SLC12A8: variants seen among roughly 807,000 people sequenced by gnomAD.
SLC12A8 encodes cation-chloride cotransporter 9.
In SLC12A8, 69 loss-of-function variants were observed where a neutral mutation model predicts 75.6. The observed-to-expected ratio is 0.91, with a 90% CI of 0.75 to 1.11. The LOEUF is 1.11. Among genes scored for constraint, SLC12A8 ranks in the 50% most tolerant of loss-of-function variants. The pLI is 0.00. For synonymous variants in SLC12A8, 365 were observed against 372.8 expected (o/e 0.98, Z 0.24); for missense variants, 877 against 896.7 (o/e 0.98, Z 0.28).
intron 10 of SLC12A8, among the ~76,000 whole-genome samples, chr3:125,097,561 TG>T (rs1938749289): frequency 1.0e-5 from 1 of 98,930 alleles, no homozygotes; most frequent in African/African-American, 3.1e-5. Context: ...TGTGTGTGTG[TG>T]TGTGTGTGTG....
intron 5 of SLC12A8, among the ~76,000 whole-genome samples, chr3:125,172,540 C>T (rs2107784887): frequency 6.6e-6 from 1 of 152,316 alleles, no homozygotes; most frequent in Non-Finnish European, 1.5e-5. Context: ...TCTGACTGAA[C>T]CTCACCAGAG....
At chr3:125,156,907 G>A (rs2107775389) in intron 5 of SLC12A8, among the ~76,000 whole-genome samples, 1 of 152,278 alleles carries the variant, frequency 6.6e-6, no homozygotes, top group Non-Finnish European at 1.5e-5. Flanking sequence ...CAGCTTTTAT[G>A]ATTTCCGTAT....
intron 5 of SLC12A8, among the ~76,000 whole-genome samples, chr3:125,170,710 G>C (rs493370): frequency 0.9 from 136,571 of 151,882 alleles, 61,860 homozygotes; most frequent in Admixed American, 0.95. Flanking sequence ...GTCAGGAGAT[G>C]GAGACCATCC....
intron 2 of SLC12A8, among the ~76,000 whole-genome samples, chr3:125,197,323 G>T (rs2107799996): frequency 6.6e-6 from 1 of 152,154 alleles, no homozygotes; most frequent in East Asian, 1.9e-4. Flanking sequence ...ACAGGGTCTT[G>T]CTCTGTCACC....
chr3:125,122,280 C>T (rs565929904), intron 6 of SLC12A8, among the ~76,000 whole-genome samples: 1 of 152,230 alleles, frequency 6.6e-6, no homozygotes, highest in East Asian at 1.9e-4. Flanking sequence ...TTTTATTTGA[C>T]TGTTTATATT....
intron 6 of SLC12A8, among the ~76,000 whole-genome samples, chr3:125,134,328 T>C (rs512785): frequency 1.3e-5 from 2 of 151,492 alleles, no homozygotes; most frequent in African/African-American, 4.9e-5. Context: ...CAGGCTGTTC[T>C]TGAACTCCTG....
intron 3 of SLC12A8, among the ~76,000 whole-genome samples, chr3:125,187,730 A>C (rs1046925241): frequency 5.9e-5 from 9 of 152,010 alleles, no homozygotes; most frequent in African/African-American, 2.2e-4. Flanking sequence ...TTTGTGCCTG[A>C]CGTGCAGCGA....
chr3:125,146,778 T>A (rs1162039910), intron 5 of SLC12A8, among the ~76,000 whole-genome samples: 1 of 152,206 alleles, frequency 6.6e-6, no homozygotes, highest in Non-Finnish European at 1.5e-5. Context: ...TAGCTGGGAC[T>A]ACAGGCTGAC....
At chr3:125,090,582 T>C (rs1273151781) in intron 12 of SLC12A8, among the ~76,000 whole-genome samples, 2 of 152,236 alleles carry the variant, frequency 1.3e-5, no homozygotes, top group Admixed American at 6.5e-5. Context: ...TTTTGGTTTG[T>C]GTATTTCAAA....
chr3:125,148,149 T>C (rs1312179776), intron 5 of SLC12A8, among the ~76,000 whole-genome samples: 1 of 152,162 alleles, frequency 6.6e-6, no homozygotes, highest in African/African-American at 2.4e-5. Flanking sequence ...CTGACAACTG[T>C]AGTATATGTG....
intron 5 of SLC12A8, among the ~76,000 whole-genome samples, chr3:125,144,037 T>C (rs943302827): frequency 4.6e-5 from 7 of 152,218 alleles, no homozygotes; most frequent in Admixed American, 2.6e-4. Flanking sequence ...TTTCTCATAA[T>C]GGCCTTGGGG....
chr3:125,190,341 G>C, intron 3 of SLC12A8, 34 bp downstream of exon 3: 2 of 1,611,318 alleles, frequency 1.2e-6, no homozygotes, highest in Non-Finnish European at 1.7e-6. Context: ...TCTTGGGCCC[G>C]TGAGAGGCTC....
chr3:125,103,269 C>T (rs1005057318), intron 10 of SLC12A8, among the ~76,000 whole-genome samples: 4 of 151,962 alleles, frequency 2.6e-5, no homozygotes, highest in African/African-American at 9.7e-5. Flanking sequence ...GTCCCTCGGG[C>T]AAGGGATTAA....
At chr3:125,146,313 C>T (rs1933772679) in intron 5 of SLC12A8, among the ~76,000 whole-genome samples, 1 of 152,142 alleles carries the variant, frequency 6.6e-6, no homozygotes, top group African/African-American at 2.4e-5. Context: ...GGCGGAGTTT[C>T]TGTTTGGGGT....
intron 8 of SLC12A8, among the ~76,000 whole-genome samples, chr3:125,111,638 A>G (rs1579477671): frequency 1.3e-5 from 2 of 151,930 alleles, no homozygotes; most frequent in Non-Finnish European, 2.9e-5. Context: ...GGCTCTCCTC[A>G]CCCCATTTTT....
intron 5 of SLC12A8, among the ~76,000 whole-genome samples, chr3:125,175,725 G>A (rs76751789): frequency 4.0e-5 from 6 of 150,974 alleles, no homozygotes; most frequent in South Asian, 4.2e-4. Context: ...CTCCATATGC[G>A]GGCCATCTCT....
chr3:125,187,248 CAT>C lies in SLC12A8; in HGVS notation c.377_378del (p.Tyr126CysfsTer17). ...GGCGCAGGCCTCACCTGTCCAAACA[CAT>C]AGAGCAGCCCGATGGTGCCTCCCGT... ...GQTGGTIGLL[Y>X]VFGQCVAGAM... On this transcript the variant is annotated frameshift_variant, in exon 4 of 14. Coordinates refer to ENST00000469902, the MANE Select transcript of SLC12A8 (RefSeq NM_024628.6). LOFTEE classifies it high-confidence loss of function. The C allele has an allele frequency of 1.9e-6, 3 of 1,614,150 alleles. No homozygotes were observed. The highest frequency in any genetic ancestry group is 2.5e-6 in the Non-Finnish European group (3 of 1,179,998).
chr3:125,211,555 T>C (rs555395830), intron 1 of SLC12A8, among the ~76,000 whole-genome samples, 161 bp from the exon 2 acceptor site: 1 of 152,340 alleles, frequency 6.6e-6, no homozygotes, highest in South Asian at 2.1e-4. Flanking sequence ...GGTTACCTTT[T>C]TGGTACCCAG....
intron 2 of SLC12A8, among the ~76,000 whole-genome samples, chr3:125,200,988 CA>C (rs1488718368): frequency 6.6e-6 from 1 of 152,206 alleles, no homozygotes; most frequent in Non-Finnish European, 1.5e-5. Flanking sequence ...CGGATATCTG[CA>C]AACTGGGAAA....
Sources: gnomAD v4.1 joint callset for allele counts (sites outside exome capture counted in the v4.1 genomes callset) on GRCh38, gnomAD v4.1.1 for gene constraint, MANE v1.5 for transcripts, NCBI Gene and HGNC (gene_info 2026-07-23, HGNC 2026-07-21) for gene names.